The following SCYL3 variants were observed in gnomAD, a reference collection of about 807,000 sequenced individuals.
SCYL3 encodes the protein protein-associating with the carboxyl-terminal domain of ezrin.
A neutral mutation model predicts 73.8 loss-of-function variants in SCYL3; 35 were observed. That is an observed-to-expected ratio of 0.47 (90% confidence interval 0.36 to 0.63). SCYL3 has a LOEUF of 0.63. SCYL3 is among the 20% of genes least tolerant of loss of function. The pLI is 0.00. For missense variants in SCYL3, 712 were observed against 798.9 expected (o/e 0.89, Z 1.31); for synonymous variants, 277 against 295.2 (o/e 0.94, Z 0.63).
intron 11 of SCYL3, 136 bp downstream of exon 11, chr1:169,858,905 T>A: frequency 2.7e-6 from 2 of 752,176 alleles, no homozygotes; most frequent in Non-Finnish European, 2.0e-6. Context: ...CCCGAGAAGT[T>A]CAGAAAGAGA....
chr1:169,890,576 C>G (rs3766155), intron 1 of SCYL3, among the ~76,000 whole-genome samples: 96,449 of 152,128 alleles, frequency 0.63, 31,005 homozygotes, highest in Middle Eastern at 0.79. Flanking sequence ...GCTCAAAACA[C>G]ATGCCTAGAA....
Position 169,852,922 on chromosome 1 carries a change from A to T in SCYL3, c.*791T>A. 1 of 1,614,176 alleles carries T rather than the reference A, an allele frequency of 6.2e-7. No homozygotes were observed. The highest frequency in any genetic ancestry group is 8.5e-7 in the Non-Finnish European group (1 of 1,180,014). On this transcript the variant is annotated 3_prime_UTR_variant, in exon 13 of 13. Transcript: ENST00000367771. ...GGGTCCTGCTCCAGCCTGGCTTTCA[A>T]TGGAAATGGAGGCGCTCCAAGAAAG...
chr1:169,855,383 T>G (rs1659038231), intron 11 of SCYL3, among the ~76,000 whole-genome samples: 1 of 152,236 alleles, frequency 6.6e-6, no homozygotes, highest in Non-Finnish European at 1.5e-5. Context: ...GAAATTTCCC[T>G]AAGTGTAGTA....
chr1:169,891,811 C>G (rs1286408900), intron 1 of SCYL3, among the ~76,000 whole-genome samples: 2 of 152,178 alleles, frequency 1.3e-5, no homozygotes, highest in African/African-American at 2.4e-5. Context: ...TTAGCTATTT[C>G]TAAATAGCAA....
Position 169,870,400 on chromosome 1 carries a change from T to C in SCYL3, c.523-43A>G, listed in dbSNP as rs1309125826. ...AATTAAAACTAGAGGATCTGCCTTA[T>C]AAGCCATTTCTAATTTTCTCTGAAG... On this transcript the variant is annotated intron_variant, in intron 5 of 12. Coordinates refer to ENST00000367771, the MANE Select transcript of SCYL3 (RefSeq NM_020423.7). 4 of 1,376,278 alleles carry C rather than the reference T, an allele frequency of 2.9e-6. No homozygotes were observed. The Admixed American group carries it at 5.6e-5, about 19-fold the overall frequency. 85.3% of individuals were successfully genotyped at this position (1,376,278 alleles called of 1,614,324 possible).
rs1452806721 is a variant in SCYL3, at chr1:169,870,253, A to T, written c.625+2T>A. 1 of 1,603,756 alleles carries T rather than the reference A, an allele frequency of 6.2e-7. No homozygotes were observed. ...AGATGCAGTAGTATAACTCCAACTCACCCTGTTCATTTAAGATTGTGAGCA... is the reference window on the plus strand; with the variant it reads ...AGATGCAGTAGTATAACTCCAACTCTCCCTGTTCATTTAAGATTGTGAGCA... On this transcript the variant is annotated splice_donor_variant, in intron 6 of 12. Transcript: ENST00000367771. LOFTEE classifies it high-confidence loss of function.
intron 10 of SCYL3, among the ~76,000 whole-genome samples, chr1:169,859,585 G>A (rs1400476911): frequency 6.6e-6 from 1 of 152,224 alleles, no homozygotes; most frequent in Non-Finnish European, 1.5e-5. Context: ...AGCGCACTCA[G>A]AACTCATCTA....
intron 3 of SCYL3, among the ~76,000 whole-genome samples, 159 bp from the exon 4 acceptor site, chr1:169,876,250 A>T (rs1660796129): frequency 6.6e-6 from 1 of 152,262 alleles, no homozygotes; most frequent in South Asian, 2.1e-4. Context: ...CTTGTGGCAT[A>T]ATAAATGGAA....
intron 8 of SCYL3, among the ~76,000 whole-genome samples, chr1:169,865,874 TC>T (rs1290466376): frequency 6.6e-6 from 1 of 152,156 alleles, no homozygotes; most frequent in Non-Finnish European, 1.5e-5. Context: ...TGCTTCTCAT[TC>T]ATCAGCCACT....
At chr1:169,868,855 C>T (rs1388780052) in intron 7 of SCYL3, 73 bp downstream of exon 7, 4 of 1,056,066 alleles carry the variant, frequency 3.8e-6, no homozygotes, top group South Asian at 1.4e-5. Flanking sequence ...CCCCCACTGC[C>T]ACTTATCCAA....
At chr1:169,888,136 A>G (rs1661808520) in intron 2 of SCYL3, among the ~76,000 whole-genome samples, 1 of 152,226 alleles carries the variant, frequency 6.6e-6, no homozygotes, top group African/African-American at 2.4e-5. Flanking sequence ...TCAAAAAGAC[A>G]CTTGGGGTTA....
At position 169,863,933 on chromosome 1, in the gene SCYL3, A is replaced by G. The variant is rs113966307; in HGVS notation, c.955+436T>C. 3.9e-3 allele frequency among the ~76,000 whole-genome samples: 595 copies of G among 152,338 alleles called. 6 individuals are homozygous for G. The highest frequency in any genetic ancestry group is 4.2e-3 in the Non-Finnish European group (287 of 68,026). The stretch of plus-strand genomic sequence containing the variant: ...TATAAAATTGTAAAATTCCAAAGCA[A>G]TAACCTCATTTCACATTCGTAAAAA... On this transcript the variant is annotated intron_variant, in intron 9 of 12. Transcript: ENST00000367771.
intron 9 of SCYL3, 123 bp downstream of exon 9, chr1:169,864,245 CA>C: frequency 7.7e-7 from 1 of 1,296,136 alleles, no homozygotes. Context: ...CAGGGGCCAA[CA>C]ATTGTTCTCC....
At chr1:169,891,886 AC>A (rs1221125415) in intron 1 of SCYL3, among the ~76,000 whole-genome samples, 1 of 152,226 alleles carries the variant, frequency 6.6e-6, no homozygotes, top group Non-Finnish European at 1.5e-5. Context: ...TATGAATTCC[AC>A]TATAATTAAC....
Position 169,851,268 on chromosome 1 carries a change from A to T in SCYL3, c.*2445T>A, listed in dbSNP as rs1161179604. On this transcript the variant is annotated 3_prime_UTR_variant, in exon 13 of 13. Transcript: ENST00000367771. The stretch of plus-strand genomic sequence containing the variant: ...GAGAAACTGAATTATTTGATATATT[A>T]CATGTAATGATGCACGTTATATATT... 1 of 153,112 alleles carries T rather than the reference A, an allele frequency of 6.5e-6. No individual in the cohort carries two copies. Among genetic ancestry groups the T allele is most frequent in the African/African-American group, 2.4e-5 (1 of 41,306 alleles). The allele number at this position is 153,112 out of a possible 1,614,324, so 9.5% of individuals were successfully genotyped here. A position where few individuals can be genotyped will look rare whatever the true frequency, so the allele number is the denominator to read the frequency against.
At chr1:169,883,735 T>C (rs1428260120) in intron 2 of SCYL3, among the ~76,000 whole-genome samples, 2 of 143,748 alleles carry the variant, frequency 1.4e-5, no homozygotes, top group African/African-American at 2.5e-5. Context: ...TTTTTTTTTT[T>C]TGAGACAGAG....
At chr1:169,861,389 T>C (rs1464818270) in intron 10 of SCYL3, among the ~76,000 whole-genome samples, 1 of 152,108 alleles carries the variant, frequency 6.6e-6, no homozygotes, top group Admixed American at 6.5e-5. Flanking sequence ...CATGTGGAAA[T>C]GTCACATGGG....
At chr1:169,870,019 TACTG>T (rs1271837044) in intron 6 of SCYL3, among the ~76,000 whole-genome samples, 1 of 152,218 alleles carries the variant, frequency 6.6e-6, no homozygotes, top group East Asian at 1.9e-4. Flanking sequence ...TCACACATGA[TACTG>T]ACAGCCATAG....
chr1:169,878,956 A>G (rs1661054584), intron 2 of SCYL3, 137 bp from the exon 3 acceptor site: 3 of 648,364 alleles, frequency 4.6e-6, no homozygotes, highest in East Asian at 2.8e-5. Flanking sequence ...CTCCCTACCC[A>G]CTATATTTCA....
Sources: allele counts gnomAD v4.1 joint callset (sites outside exome capture counted in the v4.1 genomes callset), GRCh38; gene constraint gnomAD v4.1.1; transcripts MANE v1.5; gene names NCBI Gene and HGNC (gene_info 2026-07-23, HGNC 2026-07-21).